The following KIAA1671 variants were observed in gnomAD, a reference collection of about 807,000 sequenced individuals.
KIAA1671 encodes uncharacterized protein KIAA1671.
A neutral mutation model predicts 131.2 loss-of-function variants in KIAA1671; 52 were observed. That is an observed-to-expected ratio of 0.40 (90% CI 0.32 to 0.50). The LOEUF (loss-of-function observed/expected upper bound fraction) is 0.50. Among genes scored for constraint, KIAA1671 ranks in the 20% least tolerant of loss-of-function variants. The pLI is 0.73. For synonymous variants in KIAA1671, 1,003 were observed against 961.6 expected (o/e 1.04, Z -0.80); for missense variants, 2,360 against 2,364.2 (o/e 1.00, Z 0.04).
At position 24,972,660 on chromosome 22, in the gene KIAA1671, C is replaced by CCCTT. The variant is rs3063198; in HGVS notation, c.-208+19903_-208+19906dup. Among the ~76,000 whole-genome samples, 6 of 151,562 alleles carry CCCTT rather than the reference C, an allele frequency of 4.0e-5. No individual in the cohort carries two copies. The East Asian group carries it at 5.8e-4, about 15-fold the overall frequency. On this transcript the variant is annotated intron_variant, in intron 1 of 12. Transcript: ENST00000358431. ...TCTTTCCCTCCCTCCTTCCCTCCCT[C>CCCTT]CCTTCCTTCCTTCCTTCCAGCTCTT...
intron 6 of KIAA1671, among the ~76,000 whole-genome samples, chr22:25,093,768 GTCTCTCTCTCTCTCTCTCTCTCTCTC>G (rs71191028): frequency 6.6e-5 from 4 of 60,710 alleles, no homozygotes; most frequent in East Asian, 4.2e-4. Context: ...CTCTCTCTCT[GTCTCTCTCTCTCTCTCTCTCTCTCTC>G]TCTCTCTCTC....
intron 7 of KIAA1671, among the ~76,000 whole-genome samples, chr22:25,172,006 G>GA (rs1933866136): frequency 6.6e-6 from 1 of 152,190 alleles, no homozygotes; most frequent in South Asian, 2.1e-4. Flanking sequence ...TGATAGAATT[G>GA]AAAATGGATA....
rs1422886567 is a variant in KIAA1671, at chr22:25,039,543, A to G, written c.2413A>G (p.Met805Val). The change falls in exon 5 of 13, where the codon ATG becomes GTG. Residue 805 changes from methionine to valine, a missense_variant. Physicochemically the swap from Met to Val is conservative, Grantham distance 21. Around this residue, in one of 3 missense-constraint regions of KIAA1671, gnomAD observed 1,185 missense variants for 1,126.2 expected, o/e 1.05. Transcript: ENST00000358431. ...CAGTTTGATTTGGGAAGCTCGAGGC[A>G]TGCCTGAGGCTAGTGGACCGAAGTT... ...RASLIWEARG[M>V]PEASGPKFGG... 2.3e-5 allele frequency: 35 copies of G among 1,551,710 alleles called. 1 individual carries two copies. In the Admixed American group the frequency reaches 6.7e-4, roughly 30 times the overall value.
chr22:25,132,994 G>T (rs552800651), intron 6 of KIAA1671, among the ~76,000 whole-genome samples: 28 of 144,590 alleles, frequency 1.9e-4, no homozygotes, highest in African/African-American at 7.2e-4. Flanking sequence ...GGCAGAGGTT[G>T]CAGTGAGCCG....
At chr22:24,996,950 G>A (rs1924172083) in intron 1 of KIAA1671, among the ~76,000 whole-genome samples, 2 of 152,196 alleles carry the variant, frequency 1.3e-5, no homozygotes, top group Non-Finnish European at 2.9e-5. Context: ...TTAATTGGCT[G>A]TGTGACCTTA....
chr22:25,009,194 C>T (rs918192017), intron 1 of KIAA1671, among the ~76,000 whole-genome samples: 1 of 151,498 alleles, frequency 6.6e-6, no homozygotes, highest in Non-Finnish European at 1.5e-5. Context: ...CTTTTCTTGC[C>T]TCCTGGCTTA....
intron 1 of KIAA1671, among the ~76,000 whole-genome samples, chr22:25,005,667 C>A (rs556471249): frequency 6.6e-6 from 1 of 152,334 alleles, no homozygotes; most frequent in Non-Finnish European, 1.5e-5. Flanking sequence ...GGGACAAAGA[C>A]GCCAAAATAA....
At chr22:24,967,096 G>A (rs1377634132) in intron 1 of KIAA1671, among the ~76,000 whole-genome samples, 5 of 152,142 alleles carry the variant, frequency 3.3e-5, no homozygotes, top group Admixed American at 2.0e-4. Context: ...CAAGGAACTG[G>A]ATAGGTAGAT....
intron 5 of KIAA1671, among the ~76,000 whole-genome samples, chr22:25,045,487 G>A (rs1387775867): frequency 6.6e-6 from 1 of 152,152 alleles, no homozygotes; most frequent in Non-Finnish European, 1.5e-5. Flanking sequence ...GAGGAACCCT[G>A]GTCTAGACAC....
chr22:25,139,281 G>A (rs1378975133), intron 6 of KIAA1671, among the ~76,000 whole-genome samples: 2 of 152,256 alleles, frequency 1.3e-5, no homozygotes, highest in Non-Finnish European at 2.9e-5. Flanking sequence ...GCAGGAAGAT[G>A]CAGGCTTGGC....
At chr22:25,155,479 CTGTG>C (rs979044249) in intron 6 of KIAA1671, among the ~76,000 whole-genome samples, 2 of 149,746 alleles carry the variant, frequency 1.3e-5, no homozygotes, top group African/African-American at 2.4e-5. Context: ...GTGTATGCAG[CTGTG>C]TGTGTGTGTG....
At chr22:24,955,667 G>A (rs1921654204) in intron 1 of KIAA1671, among the ~76,000 whole-genome samples, 1 of 152,186 alleles carries the variant, frequency 6.6e-6, no homozygotes, top group Admixed American at 6.5e-5. Context: ...GGCTGGTGTG[G>A]GGAGGCTGGA....
intron 1 of KIAA1671, among the ~76,000 whole-genome samples, chr22:24,969,976 C>A (rs1406346717): frequency 6.6e-6 from 1 of 152,206 alleles, no homozygotes; most frequent in Non-Finnish European, 1.5e-5. Flanking sequence ...CCAGGCACAG[C>A]CGAGGTGGGA....
At chr22:25,139,967 G>A (rs1932782659) in intron 6 of KIAA1671, among the ~76,000 whole-genome samples, 1 of 152,228 alleles carries the variant, frequency 6.6e-6, no homozygotes, top group Non-Finnish European at 1.5e-5. Flanking sequence ...TGGTGTGGTG[G>A]CAGTGCAATT....
In KIAA1671 at chr22:24,967,789, G is replaced by A. The variant is rs575437216; in HGVS notation, c.-208+15017G>A. On this transcript the variant is annotated intron_variant, in intron 1 of 12. Coordinates refer to ENST00000358431, the MANE Select transcript of KIAA1671 (RefSeq NM_001145206.2). ...GGGCGGATCATGAGGTCAGGAGATCGAGACCATCCTGGCTAACACGGTGAA... is the reference window on the plus strand; with the variant it reads ...GGGCGGATCATGAGGTCAGGAGATCAAGACCATCCTGGCTAACACGGTGAA... Among the ~76,000 whole-genome samples the A allele has an allele frequency of 3.3e-5, 5 of 152,234 alleles. No homozygotes were observed. In the South Asian group the frequency reaches 8.3e-4, roughly 25 times the overall value.
At chr22:25,047,472 T>A (rs1406055232) in intron 5 of KIAA1671, among the ~76,000 whole-genome samples, 1 of 141,244 alleles carries the variant, frequency 7.1e-6, no homozygotes, top group Non-Finnish European at 1.5e-5. Context: ...TTTTCCTTTT[T>A]TTTTTTTTTT....
intron 10 of KIAA1671, among the ~76,000 whole-genome samples, chr22:25,184,548 C>A (rs997207469): frequency 6.6e-6 from 1 of 152,136 alleles, no homozygotes; most frequent in Non-Finnish European, 1.5e-5. Flanking sequence ...TGGATATTTG[C>A]CCTCCGGTTT....
At chr22:25,081,259 C>T (rs1313175653) in intron 6 of KIAA1671, among the ~76,000 whole-genome samples, 2 of 152,200 alleles carry the variant, frequency 1.3e-5, no homozygotes, top group African/African-American at 2.4e-5. Context: ...TCTTCCTGTG[C>T]ACAATCTCCC....
intron 8 of KIAA1671, 131 bp from the exon 9 acceptor site, chr22:25,177,217 A>G: frequency 1.2e-6 from 1 of 815,182 alleles, no homozygotes; most frequent in East Asian, 2.7e-5. Flanking sequence ...AAAATGTGGA[A>G]GCCCTGGCCT....
Sources: gnomAD v4.1 joint callset for allele counts (sites outside exome capture counted in the v4.1 genomes callset) on GRCh38, gnomAD v4.1.1 for gene constraint, gnomAD v4.1.1 regional missense constraint, MANE v1.5 for transcripts, NCBI Gene and HGNC (gene_info 2026-07-23, HGNC 2026-07-21) for gene names.